The following PARD3B variants were observed in gnomAD, a reference collection of about 807,000 sequenced individuals.
PARD3B encodes the protein par-3 family cell polarity regulator beta.
In PARD3B, 103 loss-of-function variants were observed where a neutral mutation model predicts 130.2. That is an observed-to-expected ratio of 0.79 (90% CI 0.67 to 0.93). PARD3B has a LOEUF of 0.93. PARD3B is among the 40% of genes least tolerant of loss of function. The pLI is 0.00. For missense variants in PARD3B, 1,609 were observed against 1,499.2 expected (o/e 1.07, Z -1.21); for synonymous variants, 583 against 553.2 (o/e 1.05, Z -0.76).
At chr2:205,464,643 A>G (rs2106237174) in intron 20 of PARD3B, among the ~76,000 whole-genome samples, 1 of 152,326 alleles carries the variant, frequency 6.6e-6, no homozygotes, top group South Asian at 2.1e-4. Flanking sequence ...ACCTTTCTCT[A>G]AAATTATATT....
chr2:205,486,832 G>C (rs1273795155), intron 20 of PARD3B, among the ~76,000 whole-genome samples: 3 of 151,942 alleles, frequency 2.0e-5, no homozygotes, highest in East Asian at 1.9e-4. Context: ...ATTTGAGTGG[G>C]GACACAGAGA....
chr2:204,998,335 T>TATATATAC lies in PARD3B; in HGVS notation c.394+33019_394+33020insCATATATA, dbSNP rs1553586591. On this transcript the variant is annotated intron_variant, in intron 3 of 22. Coordinates refer to ENST00000406610, the MANE Select transcript of PARD3B (RefSeq NM_001302769.2). Reference sequence around the variant, plus strand: ...AAGTATATATATATATATATATATATATATATATATATATATATATATATG... The same window carrying TATATATAC: ...AAGTATATATATATATATATATATATATATATACATATATATATATATATATATATATG... 3.2e-5 allele frequency among the ~76,000 whole-genome samples: 2 copies of TATATATAC among 62,266 alleles called. 1 individual carries two copies. Among genetic ancestry groups the TATATATAC allele is most frequent in the Non-Finnish European group, 5.8e-5 (2 of 34,302 alleles). 40.8% of individuals were successfully genotyped at this position (62,266 alleles called of 152,430 possible).
chr2:205,054,422 ATATATATATATATATTTT>A (rs1254364960), intron 4 of PARD3B, among the ~76,000 whole-genome samples: 249 of 19,598 alleles, frequency 0.013, 1 homozygote, highest in African/African-American at 0.043. Flanking sequence ...ATATATATAT[ATATATATATATATATTTT>A]TTTTTTTTTT....
chr2:204,626,072 T>C (rs1032187063), intron 1 of PARD3B, among the ~76,000 whole-genome samples: 2 of 152,196 alleles, frequency 1.3e-5, no homozygotes, highest in African/African-American at 2.4e-5. Context: ...ATTTAAAGTA[T>C]TAATTTTTTG....
At chr2:205,235,270 A>C (rs958150924) in intron 15 of PARD3B, among the ~76,000 whole-genome samples, 3 of 151,974 alleles carry the variant, frequency 2.0e-5, no homozygotes, top group Non-Finnish European at 4.4e-5. Flanking sequence ...AAAATACAAA[A>C]AGTTAGTCGG....
chr2:205,173,879 G>A (rs549288035), intron 12 of PARD3B, among the ~76,000 whole-genome samples: 3 of 152,224 alleles, frequency 2.0e-5, no homozygotes, highest in South Asian at 2.1e-4. Context: ...CATGGAACCC[G>A]TTTATTGGAG....
intron 21 of PARD3B, among the ~76,000 whole-genome samples, chr2:205,536,068 T>C (rs1393503225): frequency 1.3e-5 from 2 of 152,210 alleles, no homozygotes; most frequent in Non-Finnish European, 2.9e-5. Context: ...AAGCTCACTC[T>C]CTTTTCATAG....
intron 2 of PARD3B, among the ~76,000 whole-genome samples, chr2:204,695,028 G>C (rs1039946734): frequency 3.3e-5 from 5 of 152,004 alleles, no homozygotes; most frequent in African/African-American, 9.7e-5. Flanking sequence ...AAAATTTTAA[G>C]TTTGGTTGGA....
chr2:205,002,384 G>A (rs918001169), intron 3 of PARD3B, among the ~76,000 whole-genome samples: 23 of 152,172 alleles, frequency 1.5e-4, no homozygotes, highest in Non-Finnish European at 5.9e-5. Flanking sequence ...TCTTTAAGAT[G>A]AAATCTGTCC....
At chr2:205,583,628 C>T (rs912924441) in intron 22 of PARD3B, among the ~76,000 whole-genome samples, 4 of 152,180 alleles carry the variant, frequency 2.6e-5, no homozygotes, top group Admixed American at 2.6e-4. Flanking sequence ...TTATCTATTT[C>T]ACAGTTGAAG....
At chr2:205,005,145 G>T (rs967385696) in intron 3 of PARD3B, among the ~76,000 whole-genome samples, 3 of 151,630 alleles carry the variant, frequency 2.0e-5, no homozygotes, top group African/African-American at 7.3e-5. Context: ...CCTCCCCTTT[G>T]CTCCCTCTTC....
chr2:205,185,766 C>G lies in PARD3B; in HGVS notation c.1927C>G (p.Leu643Val). ...TCSPQDKQKG[L>V]LLPNDGWAES... The stretch of plus-strand genomic sequence containing the variant: ...CTTCATTTGTTCTTTGTTTATAGGT[C>G]TATTGCTGCCCAATGACGGATGGGC... Residue 643 changes from leucine (L) to valine (V), a missense_variant and splice_region_variant, in exon 14 of 23, where the codon CTA becomes GTA. Physicochemically the swap from Leu to Val is conservative, Grantham distance 32. Coordinates refer to ENST00000406610, the MANE Select transcript of PARD3B (RefSeq NM_001302769.2). 2 of 1,613,020 alleles carry G rather than the reference C, an allele frequency of 1.2e-6. No homozygotes were observed. Among genetic ancestry groups the G allele is most frequent in the Non-Finnish European group, 1.7e-6 (2 of 1,179,022 alleles).
At chr2:205,485,482 G>T (rs1481068642) in intron 20 of PARD3B, among the ~76,000 whole-genome samples, 1 of 152,150 alleles carries the variant, frequency 6.6e-6, no homozygotes, top group Non-Finnish European at 1.5e-5. Context: ...GCACACACAA[G>T]AAATCATCAA....
At chr2:205,135,800 G>A (rs565490677) in intron 10 of PARD3B, among the ~76,000 whole-genome samples, 8 of 152,010 alleles carry the variant, frequency 5.3e-5, no homozygotes, top group African/African-American at 1.9e-4. Flanking sequence ...ACATCGCAGG[G>A]GTTAAGATGC....
chr2:204,707,851 G>A (rs989534138), intron 2 of PARD3B, among the ~76,000 whole-genome samples: 1 of 152,230 alleles, frequency 6.6e-6, no homozygotes, highest in African/African-American at 2.4e-5. Context: ...TGAGTTTCAT[G>A]TTTTAAGCTT....
intron 2 of PARD3B, among the ~76,000 whole-genome samples, chr2:204,931,097 A>G (rs56674121): frequency 0.01 from 1,572 of 152,176 alleles, 28 homozygotes; most frequent in African/African-American, 0.035. Context: ...TAGGTTTAAT[A>G]TAGAAAAAAA....
rs145980766 is a variant in PARD3B at position 205,047,660 on chromosome 2, T to C, written c.474T>C (p.Pro158=). 1.1e-4 allele frequency: 177 copies of C among 1,550,556 alleles called. No homozygotes were observed. In the African/African-American group the frequency reaches 2.2e-3, roughly 19 times the overall value. ...ATACCCAGCCAAGCGCTTCACACCC[T>C]GGTGGCCAGAGTCTGAAACTGGTTG... ...PADTQPSASH[P]GGQSLKLVVP... Residue 158 remains proline (P), a synonymous_variant, in exon 4 of 23, where the codon CCT becomes CCC. Transcript: ENST00000406610.
chr2:205,487,521 C>T (rs917031801), intron 20 of PARD3B, among the ~76,000 whole-genome samples: 2 of 152,084 alleles, frequency 1.3e-5, no homozygotes, highest in African/African-American at 4.8e-5. Flanking sequence ...CCTTATTTTT[C>T]CTTAAAATTG....
intron 5 of PARD3B, among the ~76,000 whole-genome samples, chr2:205,109,712 G>A (rs1848947): frequency 0.011 from 1,667 of 146,748 alleles, 26 homozygotes; most frequent in African/African-American, 0.039. Flanking sequence ...GGAGTGAAGT[G>A]GTGTGATCTC....
Sources: allele counts gnomAD v4.1 joint callset (sites outside exome capture counted in the v4.1 genomes callset), GRCh38; gene constraint gnomAD v4.1.1; transcripts MANE v1.5; gene names NCBI Gene and HGNC (gene_info 2026-07-23, HGNC 2026-07-21).